The following DIAPH2 variants were observed in gnomAD, a reference collection of about 807,000 sequenced individuals.
The protein encoded by DIAPH2 is diaphanous related formin 2, also known as protein diaphanous homolog 2.
A neutral mutation model predicts 92.7 loss-of-function variants in DIAPH2; 35 were observed. The ratio of observed to expected loss-of-function variants is 0.38; its 90% CI spans 0.29 to 0.50. The LOEUF (loss-of-function observed/expected upper bound fraction) is 0.50, where lower values mean the gene tolerates loss of function less well. Among genes scored for constraint, DIAPH2 ranks in the 20% least tolerant of loss-of-function variants. The pLI is 0.94. For missense variants in DIAPH2, 701 were observed against 819.5 expected (o/e 0.86, Z 1.77); for synonymous variants, 301 against 280.4 (o/e 1.07, Z -0.73).
chrX:97,519,347 T>G (rs2070974101), intron 26 of DIAPH2, among the ~76,000 whole-genome samples: 2 of 111,269 alleles, frequency 1.8e-5, no homozygotes, highest in South Asian at 7.6e-4. Context: ...AACATCTGTT[T>G]CAAAAAAAAT....
chrX:96,981,774 G>C (rs1212950158), intron 17 of DIAPH2, among the ~76,000 whole-genome samples: 1 of 111,208 alleles, frequency 9.0e-6, no homozygotes, highest in Non-Finnish European at 1.9e-5. Context: ...TGAATCCACA[G>C]CTTGTGCTTT....
intron 22 of DIAPH2, among the ~76,000 whole-genome samples, chrX:97,147,042 A>G (rs1438130951): frequency 1.8e-5 from 2 of 111,270 alleles, no homozygotes; most frequent in Non-Finnish European, 3.8e-5. Flanking sequence ...GTTAGTGACT[A>G]TTGCAGGGAA....
chrX:97,509,619 T>G (rs1416428890), intron 26 of DIAPH2, among the ~76,000 whole-genome samples: 1 of 106,066 alleles, frequency 9.4e-6, no homozygotes, highest in African/African-American at 3.5e-5. Context: ...TAACTCGTCA[T>G]TTAGCATTAG....
chrX:97,367,937 C>G (rs926266493), intron 24 of DIAPH2, among the ~76,000 whole-genome samples: 2 of 111,530 alleles, frequency 1.8e-5, no homozygotes, highest in Non-Finnish European at 3.8e-5. Context: ...AACTCCTGAC[C>G]TCAGGTGATC....
chrX:97,538,480 T>A (rs1023673803), intron 26 of DIAPH2, among the ~76,000 whole-genome samples: 7 of 111,819 alleles, frequency 6.3e-5, no homozygotes, highest in African/African-American at 2.3e-4. Flanking sequence ...CATTTACAGC[T>A]TTTAGAGAAA....
At chrX:97,580,220 T>G (rs1353232904) in intron 26 of DIAPH2, among the ~76,000 whole-genome samples, 1 of 97,158 alleles carries the variant, frequency 1.0e-5, no homozygotes, top group African/African-American at 3.7e-5. Flanking sequence ...ATAGGAGTGG[T>G]GAGAGAGGGC....
rs1271313144 is a variant in DIAPH2 at position 97,545,950 on chromosome X, G to A, written c.3242-53303G>A. Among the ~76,000 whole-genome samples the A allele has an allele frequency of 1.5e-4, 16 of 110,034 alleles. No individual in the cohort carries two copies. The Admixed American group carries it at 1.5e-3, about 11-fold the overall frequency. ...ACTTTTAACTGAGTTAAAATGGAAG[G>A]GTATAGTTCTTTCTCAGTGGTGGGG... On this transcript the variant is annotated intron_variant, in intron 26 of 26. Transcript: ENST00000324765.
At chrX:97,249,687 G>A (rs2068171900) in intron 23 of DIAPH2, among the ~76,000 whole-genome samples, 2 of 111,733 alleles carry the variant, frequency 1.8e-5, no homozygotes, top group East Asian at 2.8e-4. Context: ...AACGAAATGC[G>A]TAATCATTAT....
chrX:97,000,095 A>G (rs998726113), intron 17 of DIAPH2, among the ~76,000 whole-genome samples: 2 of 111,877 alleles, frequency 1.8e-5, no homozygotes, highest in African/African-American at 6.5e-5. Context: ...TGATACAACA[A>G]TTTATGGAAT....
At chrX:97,305,310 T>C (rs1221229053) in intron 23 of DIAPH2, among the ~76,000 whole-genome samples, 1 of 109,571 alleles carries the variant, frequency 9.1e-6, no homozygotes, top group Admixed American at 9.8e-5. Context: ...CTGGTCAACA[T>C]GGTGAAACTC....
intron 5 of DIAPH2, chrX:96,885,468 A>AAG (rs2065255066): frequency 1.5e-5 from 2 of 131,708 alleles, no homozygotes; most frequent in African/African-American, 3.3e-5. Flanking sequence ...AAAAAAAAAA[A>AAG]AAAAAAGTCT....
intron 10 of DIAPH2, among the ~76,000 whole-genome samples, 159 bp from the exon 11 acceptor site, chrX:96,937,074 A>T (rs2147798969): frequency 8.9e-6 from 1 of 112,111 alleles, no homozygotes; most frequent in East Asian, 2.8e-4. Context: ...TGAAACAGAA[A>T]AATTTAGCTA....
chrX:97,459,180 T>C (rs1011737297), intron 26 of DIAPH2, among the ~76,000 whole-genome samples: 3 of 112,374 alleles, frequency 2.7e-5, no homozygotes, highest in East Asian at 2.8e-4. Flanking sequence ...TCACAGGCCA[T>C]GGGTGTCTCA....
At chrX:97,050,039 G>A (rs756492114) in intron 17 of DIAPH2, among the ~76,000 whole-genome samples, 5 of 111,210 alleles carry the variant, frequency 4.5e-5, no homozygotes, top group African/African-American at 1.3e-4. Flanking sequence ...TTGCTAAGGC[G>A]TAAAGTCAGA....
At chrX:97,377,872 A>G (rs2069515269) in intron 24 of DIAPH2, among the ~76,000 whole-genome samples, 1 of 110,937 alleles carries the variant, frequency 9.0e-6, no homozygotes, top group Non-Finnish European at 1.9e-5. Flanking sequence ...ATGGAAATGG[A>G]TGGTATTCTG....
rs148061569 is a variant in DIAPH2, at chrX:97,195,187, T to C, written c.2720-52528T>C. On this transcript the variant is annotated intron_variant, in intron 22 of 26. Coordinates refer to ENST00000324765, the MANE Select transcript of DIAPH2 (RefSeq NM_006729.5). ...ATAAACAAAATTAAAAAGTAAATGA[T>C]ATCTTCTAGGAGATAGCTGAAATAT... 3.7e-3 allele frequency among the ~76,000 whole-genome samples: 411 copies of C among 112,115 alleles called. 14 individuals are homozygous for C. Among genetic ancestry groups the C allele is most frequent in the East Asian group, 0.025 (88 of 3,489 alleles).
chrX:96,849,819 G>C (rs182838665), intron 4 of DIAPH2, among the ~76,000 whole-genome samples: 2 of 111,913 alleles, frequency 1.8e-5, no homozygotes, highest in African/African-American at 6.5e-5. Context: ...TACTACTTCT[G>C]TTCACTCAGA....
intron 24 of DIAPH2, among the ~76,000 whole-genome samples, chrX:97,375,598 A>C: frequency 8.9e-6 from 1 of 112,569 alleles, no homozygotes. Context: ...AAAATGATGA[A>C]AAGTTATTGC....
chrX:96,741,252 TGCTA>T (rs1185593179), intron 3 of DIAPH2, among the ~76,000 whole-genome samples: 2 of 109,239 alleles, frequency 1.8e-5, no homozygotes, highest in African/African-American at 6.7e-5. Flanking sequence ...CTTTCTCTGT[TGCTA>T]GCTATCACTC....
Sources: gnomAD v4.1 joint callset for allele counts (sites outside exome capture counted in the v4.1 genomes callset) on GRCh38, gnomAD v4.1.1 for gene constraint, MANE v1.5 for transcripts, NCBI Gene and HGNC (gene_info 2026-07-23, HGNC 2026-07-21) for gene names.